DSCAM: variants seen among roughly 807,000 people sequenced by gnomAD.
DSCAM encodes the protein DS cell adhesion molecule.
In DSCAM, 47 loss-of-function variants were observed where a neutral mutation model predicts 217.7. The observed-to-expected ratio is 0.22, with a 90% CI of 0.17 to 0.28. The LOEUF (loss-of-function observed/expected upper bound fraction) is 0.28, where lower values mean the gene tolerates loss of function less well. Among genes scored for constraint, DSCAM ranks in the 10% least tolerant of loss-of-function variants. The pLI, the probability that DSCAM is intolerant of heterozygous loss-of-function variation, is 1.00. For missense variants in DSCAM, 2,080 were observed against 2,618.3 expected (o/e 0.79, Z 4.49); for synonymous variants, 1,056 against 1,015.3 (o/e 1.04, Z -0.76).
At chr21:40,152,188 A>G (rs1181125571) in intron 16 of DSCAM, among the ~76,000 whole-genome samples, 2 of 152,184 alleles carry the variant, frequency 1.3e-5, no homozygotes, top group African/African-American at 4.8e-5. Flanking sequence ...TCAATAAAAC[A>G]AGGCCCTTTC....
intron 3 of DSCAM, among the ~76,000 whole-genome samples, chr21:40,409,722 C>G (rs553724878): frequency 6.6e-6 from 1 of 152,220 alleles, no homozygotes; most frequent in Non-Finnish European, 1.5e-5. Context: ...AAGTAGAAAC[C>G]ACAGAATTGT....
chr21:40,503,481 T>C (rs573522094), intron 3 of DSCAM, among the ~76,000 whole-genome samples: 2 of 152,340 alleles, frequency 1.3e-5, no homozygotes, highest in African/African-American at 4.8e-5. Flanking sequence ...CATGCACTTA[T>C]AACAAGACTA....
chr21:40,544,615 A>G (rs976528965), intron 3 of DSCAM, among the ~76,000 whole-genome samples: 33 of 152,190 alleles, frequency 2.2e-4, no homozygotes, highest in African/African-American at 8.0e-4. Context: ...AGAGGCAAAA[A>G]TAATCCTCCT....
chr21:40,716,570 T>C (rs1024416414), intron 1 of DSCAM, among the ~76,000 whole-genome samples: 3 of 152,152 alleles, frequency 2.0e-5, no homozygotes, highest in African/African-American at 4.8e-5. Flanking sequence ...ATATTTTACA[T>C]CCCTGTAACA....
chr21:40,648,367 T>G (rs904253555), intron 3 of DSCAM, among the ~76,000 whole-genome samples: 2 of 151,890 alleles, frequency 1.3e-5, no homozygotes, highest in East Asian at 3.9e-4. Flanking sequence ...ATTGCTAGGG[T>G]GATCTCTCGT....
intron 1 of DSCAM, 143 bp from the exon 2 acceptor site, chr21:40,708,914 G>C (rs2205135): frequency 0.27 from 150,134 of 565,444 alleles, 22,148 homozygotes; most frequent in African/African-American, 0.46. Flanking sequence ...CAAATTTTCT[G>C]AAAATGCTGT....
At chr21:40,542,127 T>A (rs1434754542) in intron 3 of DSCAM, among the ~76,000 whole-genome samples, 2 of 152,220 alleles carry the variant, frequency 1.3e-5, no homozygotes, top group Non-Finnish European at 2.9e-5. Context: ...ACTATCTGCC[T>A]ACATGTTCTC....
At chr21:40,714,538 C>T (rs1487302922) in intron 1 of DSCAM, among the ~76,000 whole-genome samples, 1 of 152,168 alleles carries the variant, frequency 6.6e-6, no homozygotes, top group Non-Finnish European at 1.5e-5. Flanking sequence ...TTACTTGAAA[C>T]CTGTTACCTC....
intron 3 of DSCAM, among the ~76,000 whole-genome samples, chr21:40,504,649 T>G (rs1601697704): frequency 2.0e-5 from 3 of 152,268 alleles, no homozygotes; most frequent in South Asian, 2.1e-4. Flanking sequence ...TAACAGCTGT[T>G]TAAGACCCGA....
At chr21:40,431,980 AC>A (rs1416647201) in intron 3 of DSCAM, among the ~76,000 whole-genome samples, 1 of 152,138 alleles carries the variant, frequency 6.6e-6, no homozygotes, top group Non-Finnish European at 1.5e-5. Context: ...CGGGCAGGTC[AC>A]CTGAGGTCAG....
intron 1 of DSCAM, among the ~76,000 whole-genome samples, chr21:40,712,725 T>A (rs1245709688): frequency 4.6e-5 from 7 of 152,158 alleles, no homozygotes; most frequent in Non-Finnish European, 1.0e-4. Context: ...ATTTTTGGAA[T>A]TTCTATTTTA....
chr21:40,354,797 C>T lies in DSCAM; in HGVS notation c.656-1054G>A, dbSNP rs573452778. Among the ~76,000 whole-genome samples, 7 of 141,154 alleles carry T rather than the reference C, an allele frequency of 5.0e-5. 1 individual carries two copies. Among genetic ancestry groups the T allele is most frequent in the Admixed American group, 3.0e-4 (4 of 13,336 alleles). 92.6% of individuals were successfully genotyped at this position (141,154 alleles called of 152,430 possible). ...CTGGGAGGCAGAGCTTGCAGTGAGC[C>T]GAGATAGCGCCACTGCAGTCCGGCC... is the stretch of plus-strand genomic sequence containing the variant. On this transcript the variant is annotated intron_variant, in intron 4 of 32. Coordinates refer to ENST00000400454, the MANE Select transcript of DSCAM (RefSeq NM_001389.5).
intron 8 of DSCAM, among the ~76,000 whole-genome samples, chr21:40,328,356 C>T (rs2074340280): frequency 6.6e-6 from 1 of 151,878 alleles, no homozygotes; most frequent in Admixed American, 6.6e-5. Flanking sequence ...ACAAAGGAGC[C>T]AAGAGCACAC....
chr21:40,576,434 ATCT>A (rs1470001255), intron 3 of DSCAM, among the ~76,000 whole-genome samples: 1 of 152,198 alleles, frequency 6.6e-6, no homozygotes, highest in Non-Finnish European at 1.5e-5. Context: ...GAGCAAGGGA[ATCT>A]TCTTTGGGGA....
Position 40,078,887 on chromosome 21 carries a change from C to T in DSCAM, c.4511G>A (p.Cys1504Tyr). The T allele has an allele frequency of 1.2e-6, 2 of 1,614,154 alleles. No individual in the cohort carries two copies. Among genetic ancestry groups the T allele is most frequent in the Non-Finnish European group, 8.5e-7 (1 of 1,180,026 alleles). The change falls in exon 26 of 33, where the codon TGC becomes TAC. Residue 1504 changes from cysteine to tyrosine, a missense_variant. Cys to Tyr is a radical substitution (Grantham distance 194, BLOSUM62 -2). Coordinates refer to ENST00000400454, the MANE Select transcript of DSCAM (RefSeq NM_001389.5). The part of the protein sequence containing the change: ...LNLIGWNDGG[C>Y]PITSFTLEYR... The stretch of plus-strand genomic sequence containing the variant: ...CTCTAGTGTGAAGGAGGTGATGGGG[C>T]AGCCGCCATCATTCCAGCCAATGAG...
At chr21:40,136,411 C>T (rs545007453) in intron 18 of DSCAM, among the ~76,000 whole-genome samples, 2 of 152,282 alleles carry the variant, frequency 1.3e-5, no homozygotes, top group African/African-American at 4.8e-5. Flanking sequence ...AGCCCAGGAA[C>T]TGGAGGCTGC....
At position 40,296,147 on chromosome 21, in the gene DSCAM, C is replaced by T. The variant is rs201055760; in HGVS notation, c.2090G>A (p.Arg697Gln). The stretch of plus-strand genomic sequence containing the variant: ...TTTGCCATAAATCCCGTCCTGGTCC[C>T]GTGGCTGAACCACAAACTTGGGAGG... ...RVPPKFVVQP[R>Q]DQDGIYGKAV... Residue 697 changes from arginine to glutamine, a missense_variant, in exon 10 of 33, where the codon CGG (arginine) becomes CAG (glutamine). Arg to Gln is a conservative substitution (Grantham distance 43). Coordinates refer to ENST00000400454, the MANE Select transcript of DSCAM (RefSeq NM_001389.5). 3.6e-4 allele frequency: 578 copies of T among 1,614,010 alleles called. 4 individuals are homozygous for T. Among genetic ancestry groups the T allele is most frequent in the South Asian group, 2.9e-3 (267 of 91,078 alleles).
At chr21:40,029,243 G>GAGAAGCCATTACATGA (rs969378316) in intron 32 of DSCAM, among the ~76,000 whole-genome samples, 2 of 152,070 alleles carry the variant, frequency 1.3e-5, no homozygotes, top group African/African-American at 4.8e-5. Context: ...GTGCCGTCAA[G>GAGAAGCCATTACATGA]AGAAGCCATT....
chr21:40,413,835 C>T (rs1490748186), intron 3 of DSCAM, among the ~76,000 whole-genome samples: 1 of 152,076 alleles, frequency 6.6e-6, no homozygotes, highest in Admixed American at 6.5e-5. Context: ...AACAAATGTG[C>T]ACAGGTAATT....
Sources: allele counts gnomAD v4.1 joint callset (sites outside exome capture counted in the v4.1 genomes callset), GRCh38; gene constraint gnomAD v4.1.1; transcripts MANE v1.5; gene names NCBI Gene and HGNC (gene_info 2026-07-23, HGNC 2026-07-21).